SERPINA12: variants seen among roughly 807,000 people sequenced by gnomAD.
The protein encoded by SERPINA12 is serpin A12.
A neutral mutation model predicts 25.9 loss-of-function variants in SERPINA12; 21 were observed. The observed-to-expected ratio is 0.81, with a 90% CI of 0.58 to 1.17. The LOEUF (loss-of-function observed/expected upper bound fraction) is 1.17, where lower values mean the gene tolerates loss of function less well. Among genes scored for constraint, SERPINA12 ranks in the 50% most tolerant of loss-of-function variants. SERPINA12 has a pLI of 0.00. For synonymous variants in SERPINA12, 220 were observed against 196.0 expected, an observed-to-expected ratio of 1.12 and a Z score of -1.02; for missense variants, 562 against 508.3, an observed-to-expected ratio of 1.11 and a Z score of -1.02.
intron 4 of SERPINA12, among the ~76,000 whole-genome samples, chr14:94,489,069 C>A (rs1900026643): frequency 6.7e-6 from 1 of 150,154 alleles, no homozygotes; most frequent in Admixed American, 6.7e-5. Flanking sequence ...TGTACTCCAG[C>A]CTGGGTGACA....
chr14:94,489,760 C>T lies in SERPINA12; in HGVS notation c.913G>A (p.Asp305Asn), dbSNP rs1413319485. 6.2e-7 allele frequency: 1 copy of T among 1,613,986 alleles called. No homozygotes were observed. Among genetic ancestry groups the T allele is most frequent in the Non-Finnish European group, 8.5e-7 (1 of 1,179,904 alleles). Residue 305 changes from aspartate to asparagine, a missense_variant, in exon 4 of 5, where the codon GAC becomes AAC. By Grantham distance (23) the Asp-to-Asn change is conservative. Coordinates refer to ENST00000677451, the MANE Select transcript of SERPINA12 (RefSeq NM_001382267.1). ...WKTLLSRRVV[D>N]VSVPRLHMTG... is the part of the protein sequence containing the mutation. ...ATGTGGAGTCTGGGTACAGACACGT[C>T]TACGACCCTGGGGAATTGACACGAC...
chr14:94,514,476 T>A lies in SERPINA12; in HGVS notation c.-18+1344A>T, dbSNP rs374345924. The stretch of plus-strand genomic sequence containing the variant: ...CTCACCTAGTTATGGCTGGTGGAGG[T>A]GGGAGAACAACCTTAGAACTCAATG... On this transcript the variant is annotated intron_variant, in intron 2 of 5. Coordinates refer to the SERPINA12 transcript ENST00000341228. 4.4e-3 allele frequency among the ~76,000 whole-genome samples: 649 copies of A among 148,856 alleles called. 5 individuals carry two copies. Among genetic ancestry groups the A allele is most frequent in the African/African-American group, 0.015 (621 of 41,004 alleles).
rs1218277085 is a variant in SERPINA12, at chr14:94,509,468, C to T, written c.-160G>A. Among the ~76,000 whole-genome samples, 2 of 152,146 alleles carry T rather than the reference C, an allele frequency of 1.3e-5. No individual in the cohort carries two copies. The highest frequency in any genetic ancestry group is 2.9e-5 in the Non-Finnish European group (2 of 68,030). On this transcript the variant is annotated 5_prime_UTR_variant, in exon 1 of 5. Transcript: ENST00000677451. The stretch of plus-strand genomic sequence containing the variant: ...GCAGCCTTCAGGTTCCAGGTATGTT[C>T]CTCTAGGCTCCCAGCCCCACAAGCC...
intron 1 of SERPINA12, chr14:94,500,861 ACAAATACGGG>A: frequency 1.0e-6 from 1 of 985,400 alleles, no homozygotes; most frequent in Non-Finnish European, 1.2e-6. Flanking sequence ...AAACATCCTC[ACAAATACGGG>A]CAGATACATA....
chr14:94,499,558 T>A (rs901355790), intron 1 of SERPINA12, among the ~76,000 whole-genome samples: 1 of 152,230 alleles, frequency 6.6e-6, no homozygotes, highest in Non-Finnish European at 1.5e-5. Context: ...ATCTGTTATA[T>A]CATTTAGTCT....
upstream of SERPINA12, among the ~76,000 whole-genome samples, chr14:94,513,254 T>G (rs535830471): frequency 2.0e-5 from 3 of 152,336 alleles, no homozygotes; most frequent in East Asian, 5.8e-4. Flanking sequence ...CAGACAGTCC[T>G]CTTACAGAGA....
Position 94,489,604 on chromosome 14 carries a change from G to A in SERPINA12, c.1053+16C>T. On this transcript the variant is annotated intron_variant, in intron 4 of 4. Coordinates refer to ENST00000677451, the MANE Select transcript of SERPINA12 (RefSeq NM_001382267.1). ...CCTGTGCTGCAGGGAGTGGAGTCCA[G>A]GCTAGGCAGGCTTACCTCGCCCACT... is the stretch of plus-strand genomic sequence containing the variant. The A allele has an allele frequency of 6.2e-7, 1 of 1,612,888 alleles. No homozygotes were observed. The highest frequency in any genetic ancestry group is 8.5e-7 in the Non-Finnish European group (1 of 1,179,432).
At chr14:94,488,965 C>A (rs148129403) in intron 4 of SERPINA12, among the ~76,000 whole-genome samples, 2 of 151,998 alleles carry the variant, frequency 1.3e-5, no homozygotes, top group South Asian at 4.1e-4. Context: ...GGCATGGTGG[C>A]GGGCGCCTGT....
At chr14:94,499,514 T>C (rs1010958357) in intron 1 of SERPINA12, among the ~76,000 whole-genome samples, 3 of 152,262 alleles carry the variant, frequency 2.0e-5, no homozygotes, top group Admixed American at 2.0e-4. Context: ...CACCCATTTA[T>C]ATGTAAAACG....
chr14:94,487,725 G>A (rs1899964108), intron 4 of SERPINA12, among the ~76,000 whole-genome samples: 1 of 152,182 alleles, frequency 6.6e-6, no homozygotes, highest in Non-Finnish European at 1.5e-5. Context: ...TCAGTTACGG[G>A]AGTCGGTGGG....
upstream of SERPINA12, chr14:94,511,304 A>C (rs1056048181): frequency 3.4e-6 from 2 of 589,644 alleles, no homozygotes; most frequent in African/African-American, 2.0e-5. Flanking sequence ...GTGAGGGACC[A>C]TTGTCACACT....
Position 94,492,573 on chromosome 14 carries a change from G to A in SERPINA12, c.906-2806C>T, listed in dbSNP as rs138339141. 9.8e-5 allele frequency among the ~76,000 whole-genome samples: 15 copies of A among 152,338 alleles called. No homozygotes were observed. The South Asian group carries it at 1.2e-3, about 13-fold the overall frequency. ...TATCTGATGGAAATGATTCAGAAGA[G>A]AGAAAAACATATGCTGATGTAGGAA... On this transcript the variant is annotated intron_variant, in intron 3 of 4. Transcript: ENST00000677451.
At chr14:94,495,059 C>T (rs528056197) in intron 3 of SERPINA12, among the ~76,000 whole-genome samples, 1 of 134,420 alleles carries the variant, frequency 7.4e-6, no homozygotes, top group African/African-American at 3.1e-5. Context: ...TCAGAATTTC[C>T]CTTTCTTTTT....
At chr14:94,495,070 T>TTA (rs1555377348) in intron 3 of SERPINA12, among the ~76,000 whole-genome samples, 1 of 133,678 alleles carries the variant, frequency 7.5e-6, no homozygotes, top group African/African-American at 3.2e-5. Flanking sequence ...CTTTCTTTTT[T>TTA]TTTTTTTTTT....
intron 3 of SERPINA12, among the ~76,000 whole-genome samples, chr14:94,490,646 C>T (rs1172947667): frequency 6.6e-6 from 1 of 152,078 alleles, no homozygotes. Flanking sequence ...TCTCCAGCTT[C>T]CAGCTCATTT....
Position 94,498,231 on chromosome 14 carries a change from C to A in SERPINA12, c.167G>T (p.Gly56Val), listed in dbSNP as rs777509687. 18 of 1,614,156 alleles carry A rather than the reference C, an allele frequency of 1.1e-5. No individual in the cohort carries two copies. Among genetic ancestry groups the A allele is most frequent in the Non-Finnish European group, 1.5e-5 (18 of 1,180,030 alleles). ...KELARQNMDL[G>V]FKLLKKLAFY... is the part of the protein sequence containing the mutation. ...GGCCAGCTTCTTGAGCAGCTTAAAGCCTAAGTCCATGTTCTGCCTTGCAAG... is the reference window on the plus strand; with the variant it reads ...GGCCAGCTTCTTGAGCAGCTTAAAGACTAAGTCCATGTTCTGCCTTGCAAG... The change falls in exon 2 of 5, where the codon GGC becomes GTC. Residue 56 changes from glycine (G) to valine (V), a missense_variant. Physicochemically the swap from Gly to Val is moderately radical, Grantham distance 109. Transcript: ENST00000677451.
intron 1 of SERPINA12, among the ~76,000 whole-genome samples, chr14:94,504,897 G>A (rs1186721121): frequency 6.6e-6 from 1 of 152,016 alleles, no homozygotes; most frequent in Non-Finnish European, 1.5e-5. Flanking sequence ...ATTTTTCAAA[G>A]GCTTAAAATA....
chr14:94,502,903 G>A (rs140855387), intron 1 of SERPINA12, among the ~76,000 whole-genome samples: 271 of 152,276 alleles, frequency 1.8e-3, no homozygotes, highest in African/African-American at 5.2e-3. Context: ...GGAACCCCAG[G>A]CCCTCTGAGA....
intron 1 of SERPINA12, among the ~76,000 whole-genome samples, chr14:94,500,736 C>T (rs1352183950): frequency 6.6e-6 from 1 of 152,162 alleles, no homozygotes; most frequent in East Asian, 1.9e-4. Flanking sequence ...AGGATGCATC[C>T]AAGGGCTCTT....
Sources: gnomAD v4.1 joint callset for allele counts (sites outside exome capture counted in the v4.1 genomes callset) on GRCh38, gnomAD v4.1.1 for gene constraint, MANE v1.5 for transcripts, NCBI Gene and HGNC (gene_info 2026-07-23, HGNC 2026-07-21) for gene names.